Variants in PIEZO2 observed in about 807,000 individuals in gnomAD.
The protein encoded by PIEZO2 is piezo-type mechanosensitive ion channel component 2.
PIEZO2 carries 172 observed loss-of-function variants against 337.3 expected under a neutral mutation model. The ratio of observed to expected loss-of-function variants is 0.51; its 90% CI spans 0.45 to 0.58. The LOEUF (loss-of-function observed/expected upper bound fraction) is 0.58, where lower values mean the gene tolerates loss of function less well. Ranked by LOEUF, PIEZO2 falls within the 20% of genes least tolerant of loss-of-function variation. The pLI is 0.00. For synonymous variants in PIEZO2, 1,251 were observed against 1,228.5 expected (o/e 1.02, Z -0.38); for missense variants, 3,028 against 3,391.3 (o/e 0.89, Z 2.66).
chr18:11,049,078 C>T (rs1598881160), intron 2 of PIEZO2, among the ~76,000 whole-genome samples: 1 of 152,132 alleles, frequency 6.6e-6, no homozygotes, highest in South Asian at 2.1e-4. Context: ...AATACATAAA[C>T]AAATCAGCTA....
intron 2 of PIEZO2, among the ~76,000 whole-genome samples, chr18:11,018,134 A>C (rs2036180599): frequency 6.6e-6 from 1 of 151,476 alleles, no homozygotes; most frequent in Non-Finnish European, 1.5e-5. Flanking sequence ...GTGGCCGGTC[A>C]TCCACAGTGG....
intron 3 of PIEZO2, among the ~76,000 whole-genome samples, chr18:10,978,361 CA>C (rs1436843809): frequency 1.3e-5 from 2 of 150,718 alleles, no homozygotes. Flanking sequence ...ACAAAAACAA[CA>C]AAAAAACTGC....
rs1206962081 is a variant in PIEZO2, at chr18:10,878,278, CTTCAAATA to C, written c.330-6871_330-6864del. Among the ~76,000 whole-genome samples the C allele has an allele frequency of 6.6e-6, 1 of 152,328 alleles. No individual in the cohort carries two copies. Among genetic ancestry groups the C allele is most frequent in the East Asian group, 1.9e-4 (1 of 5,188 alleles). ...CTAGCTCCAGGACATATCGCTGCCT[CTTCAAATA>C]TTTGTTCTTTTCTTTTTATCATGAT... is the stretch of plus-strand genomic sequence containing the variant. On this transcript the variant is annotated intron_variant, in intron 4 of 55. Coordinates refer to ENST00000674853, the MANE Select transcript of PIEZO2 (RefSeq NM_001378183.1). This position sits in a 1 kb window ranked among gnomAD's most constrained non-coding sequence, Gnocchi z 4.3.
intron 35 of PIEZO2, among the ~76,000 whole-genome samples, chr18:10,734,598 G>A (rs879417535): frequency 6.6e-6 from 1 of 152,160 alleles, no homozygotes; most frequent in Non-Finnish European, 1.5e-5. Context: ...ATGTTTTTCC[G>A]TAACGAAGCG....
At chr18:10,867,228 G>T (rs1489013749) in intron 5 of PIEZO2, among the ~76,000 whole-genome samples, 1 of 152,222 alleles carries the variant, frequency 6.6e-6, no homozygotes, top group African/African-American at 2.4e-5. Flanking sequence ...TCTCAGGCTA[G>T]AACTGAGCAC....
rs1273697228 is a variant in PIEZO2 at position 11,002,718 on chromosome 18, G to A, written c.161-23058C>T. On this transcript the variant is annotated intron_variant, in intron 2 of 55. Coordinates refer to ENST00000674853, the MANE Select transcript of PIEZO2 (RefSeq NM_001378183.1). The surrounding 1 kb of genome is among the most constrained non-coding windows in gnomAD (Gnocchi z 4.3). ...GGGGAACACATTCAGGCAGAGATGT[G>A]TTAGTTCACACAGAACCCTGTGTAA... 1.3e-5 allele frequency among the ~76,000 whole-genome samples: 2 copies of A among 152,330 alleles called. No individual in the cohort carries two copies. The highest frequency in any genetic ancestry group is 1.9e-4 in the East Asian group (1 of 5,186).
At chr18:10,717,573 A>C (rs1235852173) in intron 37 of PIEZO2, among the ~76,000 whole-genome samples, 3 of 152,372 alleles carry the variant, frequency 2.0e-5, no homozygotes, top group Admixed American at 2.0e-4. Context: ...AGTTCATTTC[A>C]TTTGGAGGCT....
At chr18:10,703,868 G>T (rs370752736) in intron 42 of PIEZO2, among the ~76,000 whole-genome samples, 2 of 152,102 alleles carry the variant, frequency 1.3e-5, no homozygotes, top group Non-Finnish European at 2.9e-5. Context: ...GTGTTGCGAC[G>T]TATGGAACTT....
At chr18:10,848,553 A>G (rs2041436814) in intron 7 of PIEZO2, among the ~76,000 whole-genome samples, 1 of 152,254 alleles carries the variant, frequency 6.6e-6, no homozygotes, top group African/African-American at 2.4e-5. Flanking sequence ...ATTTTCATAG[A>G]GAATGGGCTG....
rs552516146 is a variant in PIEZO2, at chr18:10,682,075, C to G, written c.7686+29G>C. On this transcript the variant is annotated intron_variant, in intron 50 of 55. Transcript: ENST00000674853. The surrounding 1 kb of genome is among the most constrained non-coding windows in gnomAD (Gnocchi z 5.6). ...AAGGAATGTGGCGTGGGGCAAGGCT[C>G]TGGTAGGTGGGGTGTGCACAGAGAT... The G allele has an allele frequency of 2.6e-6, 4 of 1,518,118 alleles. No homozygotes were observed. Among genetic ancestry groups the G allele is most frequent in the Non-Finnish European group, 3.5e-6 (4 of 1,135,314 alleles). The allele number at this position is 1,518,118 out of a possible 1,614,324, so 94.0% of individuals were successfully genotyped here. A position where few individuals can be genotyped will look rare whatever the true frequency, so the allele number is the denominator to read the frequency against.
intron 36 of PIEZO2, chr18:10,725,299 T>C: frequency 1.3e-6 from 2 of 1,583,616 alleles, no homozygotes; most frequent in East Asian, 4.5e-5. Flanking sequence ...TGTGGGTAAA[T>C]ACAGCAGAAG....
At chr18:10,836,912 T>C (rs2041032363) in intron 7 of PIEZO2, among the ~76,000 whole-genome samples, 1 of 152,206 alleles carries the variant, frequency 6.6e-6, no homozygotes, top group Non-Finnish European at 1.5e-5. Context: ...ATTATTAATA[T>C]TTGGTTTTTT....
chr18:10,720,188 TAGAG>T (rs2036197952), intron 36 of PIEZO2, among the ~76,000 whole-genome samples: 2 of 142,296 alleles, frequency 1.4e-5, no homozygotes, highest in South Asian at 4.3e-4. Flanking sequence ...GCTTCATATA[TAGAG>T]AGAGGATATA....
At chr18:10,725,396 A>G in intron 36 of PIEZO2, 2 of 1,605,422 alleles carry the variant, frequency 1.2e-6, no homozygotes, top group Non-Finnish European at 1.7e-6. Flanking sequence ...GCCGGCCCAC[A>G]TTGGCGGTCA....
At position 10,940,293 on chromosome 18, in the gene PIEZO2, C is replaced by T. The variant is rs1387384160; in HGVS notation, c.287-29065G>A. ...GAATTGGTAATAAAAATCTAGTGAG[C>T]TCTTCCTCTTCACCCTAACAGATTA... is the stretch of plus-strand genomic sequence containing the variant. On this transcript the variant is annotated intron_variant, in intron 3 of 55. Coordinates refer to ENST00000674853, the MANE Select transcript of PIEZO2 (RefSeq NM_001378183.1). This position sits in a 1 kb window ranked among gnomAD's most constrained non-coding sequence, Gnocchi z 5.3. 2.0e-5 allele frequency among the ~76,000 whole-genome samples: 3 copies of T among 152,212 alleles called. No homozygotes were observed. The highest frequency in any genetic ancestry group is 4.4e-5 in the Non-Finnish European group (3 of 68,044).
rs372384781 is a variant in PIEZO2 at position 10,821,646 on chromosome 18, C to A, written c.918-14372G>T. Among the ~76,000 whole-genome samples, 3 of 152,190 alleles carry A rather than the reference C, an allele frequency of 2.0e-5. No homozygotes were observed. The highest frequency in any genetic ancestry group is 6.5e-5 in the Admixed American group (1 of 15,280). On this transcript the variant is annotated intron_variant, in intron 7 of 55. Coordinates refer to ENST00000674853, the MANE Select transcript of PIEZO2 (RefSeq NM_001378183.1). The surrounding 1 kb of genome is among the most constrained non-coding windows in gnomAD (Gnocchi z 4.2). ...TAGAAGTTTTCCAGGTTGCTGGAAC[C>A]AGGAAATATGAGTCAAGTATCACCC...
chr18:11,018,428 T>TGTGTGTGTGTGG (rs2036199492), intron 2 of PIEZO2, among the ~76,000 whole-genome samples: 1 of 145,330 alleles, frequency 6.9e-6, no homozygotes, highest in South Asian at 2.1e-4. Flanking sequence ...TGTGTGTGTG[T>TGTGTGTGTGTGG]GTGTGTTGAA....
In PIEZO2 at chr18:11,131,304, G is replaced by C. The variant is rs969712224; in HGVS notation, c.64+17221C>G. 6.6e-6 allele frequency among the ~76,000 whole-genome samples: 1 copy of C among 151,022 alleles called. No homozygotes were observed. The highest frequency in any genetic ancestry group is 1.5e-5 in the Non-Finnish European group (1 of 67,164). On this transcript the variant is annotated intron_variant, in intron 1 of 55. Coordinates refer to ENST00000674853, the MANE Select transcript of PIEZO2 (RefSeq NM_001378183.1). The surrounding 1 kb of genome is among the most constrained non-coding windows in gnomAD (Gnocchi z 5.3). ...ATGATCGGGCTCGAGCAGGTCCTGA[G>C]GGCACAAGTAAGTTACATGAGGAAG...
chr18:10,696,486 G>GT lies in PIEZO2; in HGVS notation c.6880_6881insA (p.Pro2294HisfsTer4). The GT allele has an allele frequency of 6.2e-7, 1 of 1,614,084 alleles. No homozygotes were observed. The highest frequency in any genetic ancestry group is 8.5e-7 in the Non-Finnish European group (1 of 1,180,038). On this transcript the variant is annotated frameshift_variant, in exon 46 of 56. Transcript: ENST00000674853. LOFTEE classifies it high-confidence loss of function. ...CACGTCAGTCACGGCGCTATACTCC[G>GT]GGTGGATGAGGTTGTAAAAGAACTG...
Sources: gnomAD v4.1 joint callset for allele counts (sites outside exome capture counted in the v4.1 genomes callset) on GRCh38, gnomAD v4.1.1 for gene constraint, Gnocchi (gnomAD v3.1) non-coding constraint, MANE v1.5 for transcripts, NCBI Gene and HGNC (gene_info 2026-07-23, HGNC 2026-07-21) for gene names.